The following MARCHF1 variants were observed in gnomAD, a reference collection of about 807,000 sequenced individuals.
MARCHF1 encodes E3 ubiquitin-protein ligase MARCHF1.
A neutral mutation model predicts 54.2 loss-of-function variants in MARCHF1; 40 were observed. The ratio of observed to expected loss-of-function variants is 0.74; its 90% CI spans 0.57 to 0.96. The LOEUF is 0.96. Among genes scored for constraint, MARCHF1 ranks in the 40% least tolerant of loss-of-function variants. The pLI is 0.00. For synonymous variants in MARCHF1, 236 were observed against 236.3 expected (o/e 1.00, Z 0.01); for missense variants, 586 against 656.5 (o/e 0.89, Z 1.17).
chr4:163,556,606 C>CAT (rs1739296530), intron 8 of MARCHF1, among the ~76,000 whole-genome samples: 1 of 151,184 alleles, frequency 6.6e-6, no homozygotes, highest in African/African-American at 2.4e-5. Flanking sequence ...TGAAATAAAT[C>CAT]ATATATATAC....
At chr4:163,824,006 G>A (rs1454792116) in intron 4 of MARCHF1, among the ~76,000 whole-genome samples, 1 of 151,726 alleles carries the variant, frequency 6.6e-6, no homozygotes, top group Non-Finnish European at 1.5e-5. Context: ...TTAATTAAAA[G>A]ATGGGGGTGT....
At chr4:164,199,369 G>T (rs539466881) in intron 1 of MARCHF1, among the ~76,000 whole-genome samples, 2 of 152,188 alleles carry the variant, frequency 1.3e-5, no homozygotes, top group Non-Finnish European at 1.5e-5. Context: ...ACACCAGGCA[G>T]GGTGGCTCAC....
chr4:164,167,033 T>C (rs1167039469), intron 1 of MARCHF1, among the ~76,000 whole-genome samples: 1 of 151,380 alleles, frequency 6.6e-6, no homozygotes, highest in Admixed American at 6.6e-5. Flanking sequence ...ACATTATTAT[T>C]GTCATCAATA....
chr4:164,186,305 A>G (rs1730968908), intron 1 of MARCHF1, among the ~76,000 whole-genome samples: 1 of 152,210 alleles, frequency 6.6e-6, no homozygotes, highest in African/African-American at 2.4e-5. Flanking sequence ...AATTGTGTCA[A>G]CTAATCATTA....
intron 1 of MARCHF1, chr4:164,197,481 T>G: frequency 1.2e-6 from 2 of 1,613,700 alleles, no homozygotes; most frequent in Non-Finnish European, 1.7e-6. Context: ...CTGCCAATAC[T>G]TCCAGGCCCC....
intron 5 of MARCHF1, among the ~76,000 whole-genome samples, chr4:163,699,911 T>A (rs1407020035): frequency 1.3e-5 from 2 of 151,986 alleles, no homozygotes; most frequent in Admixed American, 6.6e-5. Flanking sequence ...CGATAATCTT[T>A]TCAACACTCT....
intron 4 of MARCHF1, among the ~76,000 whole-genome samples, chr4:163,836,878 A>G (rs537501639): frequency 4.6e-5 from 7 of 151,854 alleles, no homozygotes; most frequent in Non-Finnish European, 7.4e-5. Flanking sequence ...GAGTAACTGG[A>G]GAAAAATTTG....
intron 2 of MARCHF1, among the ~76,000 whole-genome samples, chr4:164,096,559 G>C (rs902778714): frequency 7.1e-6 from 1 of 140,546 alleles, no homozygotes; most frequent in Non-Finnish European, 1.5e-5. Flanking sequence ...TGTATTTCCT[G>C]TATCTAAAAT....
intron 8 of MARCHF1, among the ~76,000 whole-genome samples, chr4:163,556,127 T>TA (rs1355126713): frequency 6.6e-6 from 1 of 152,190 alleles, no homozygotes; most frequent in African/African-American, 2.4e-5. Flanking sequence ...AGCTAATTAT[T>TA]AAAGCATCAC....
chr4:164,378,862 C>A (rs1026714952), intron 1 of MARCHF1, among the ~76,000 whole-genome samples: 1 of 152,092 alleles, frequency 6.6e-6, no homozygotes, highest in Admixed American at 6.5e-5. Context: ...CAGGCACCTG[C>A]CACCATGCCT....
intron 4 of MARCHF1, among the ~76,000 whole-genome samples, chr4:163,747,777 C>A (rs1746404181): frequency 6.6e-6 from 1 of 152,134 alleles, no homozygotes; most frequent in African/African-American, 2.4e-5. Context: ...ACAAAGAATA[C>A]AGAAAACAGA....
chr4:163,650,249 AC>A (rs1428357924), intron 5 of MARCHF1, among the ~76,000 whole-genome samples: 2 of 152,016 alleles, frequency 1.3e-5, no homozygotes, highest in African/African-American at 4.8e-5. Flanking sequence ...AAACTAATAA[AC>A]CTAATGCAAC....
chr4:164,253,329 G>GTCCTCAACCTTTT (rs1733178193), intron 1 of MARCHF1, among the ~76,000 whole-genome samples: 1 of 152,128 alleles, frequency 6.6e-6, no homozygotes, highest in Non-Finnish European at 1.5e-5. Context: ...GACTTAGAAA[G>GTCCTCAACCTTTT]TGGACTACTC....
intron 1 of MARCHF1, among the ~76,000 whole-genome samples, chr4:164,225,687 G>A (rs915281375): frequency 1.3e-5 from 2 of 151,864 alleles, no homozygotes; most frequent in African/African-American, 4.8e-5. Flanking sequence ...GCTGACAAAC[G>A]AAGTGCTAAT....
intron 9 of MARCHF1, among the ~76,000 whole-genome samples, chr4:163,543,679 C>T (rs539855999): frequency 3.3e-5 from 5 of 152,116 alleles, no homozygotes; most frequent in African/African-American, 9.6e-5. Context: ...TTGAGACCAT[C>T]GTGTTCATTG....
chr4:163,762,469 C>T (rs1746854625), intron 4 of MARCHF1, among the ~76,000 whole-genome samples: 1 of 152,046 alleles, frequency 6.6e-6, no homozygotes. Context: ...AATTGCATTA[C>T]TTGTGCTATT....
chr4:163,916,528 C>T (rs1011691347), intron 3 of MARCHF1, among the ~76,000 whole-genome samples: 3 of 135,522 alleles, frequency 2.2e-5, no homozygotes, highest in African/African-American at 9.2e-5. Context: ...TGTGAATAGC[C>T]AGAGACATGA....
At chr4:163,853,894 A>T in intron 4 of MARCHF1, 127 bp downstream of exon 4, 1 of 714,538 alleles carries the variant, frequency 1.4e-6, no homozygotes, top group Non-Finnish European at 2.1e-6. Flanking sequence ...TGAATATATT[A>T]TATAATACAA....
chr4:163,648,013 GA>G (rs1455776951), intron 5 of MARCHF1, among the ~76,000 whole-genome samples: 2 of 151,560 alleles, frequency 1.3e-5, no homozygotes, highest in African/African-American at 4.8e-5. Context: ...GCTAAACTAA[GA>G]AAAAAAGAGA....
Sources: allele counts gnomAD v4.1 joint callset (sites outside exome capture counted in the v4.1 genomes callset), GRCh38; gene constraint gnomAD v4.1.1; transcripts MANE v1.5; gene names NCBI Gene and HGNC (gene_info 2026-07-23, HGNC 2026-07-21).